UNC119: variants seen among roughly 807,000 people sequenced by gnomAD.
The protein encoded by UNC119 is protein unc-119 homolog A.
In UNC119, 15 loss-of-function variants were observed where a neutral mutation model predicts 22.6. That is an observed-to-expected ratio of 0.66 (90% CI 0.44 to 1.02). UNC119 has a LOEUF of 1.02. Ranked by LOEUF, UNC119 falls within the 50% of genes least tolerant of loss-of-function variation. UNC119 has a pLI of 0.00. For synonymous variants in UNC119, 138 were observed against 139.4 expected (o/e 0.99, Z 0.07); for missense variants, 322 against 336.0 (o/e 0.96, Z 0.33).
chr17:28,550,972 A>T (rs1183604225), intron 1 of UNC119: 1 of 152,326 alleles, frequency 6.6e-6, no homozygotes, highest in Non-Finnish European at 1.5e-5. Flanking sequence ...CTTCAACATC[A>T]GCCTGGTCCA....
intron 1 of UNC119, chr17:28,552,029 C>T (rs1162803953): frequency 5.1e-6 from 3 of 586,802 alleles, no homozygotes; most frequent in Non-Finnish European, 9.9e-6. Flanking sequence ...GACTCCACAG[C>T]TACAGGGCTA....
intron 1 of UNC119, chr17:28,549,121 G>A (rs2070244522): frequency 5.3e-6 from 1 of 188,710 alleles, no homozygotes. Flanking sequence ...ACAACTTCCT[G>A]CAGTCTGACC....
At position 28,547,071 on chromosome 17, in the gene UNC119, G is replaced by A. The variant is rs80000715; in HGVS notation, c.*226C>T. On this transcript the variant is annotated 3_prime_UTR_variant, in exon 5 of 5. Transcript: ENST00000335765. ...GCTCCTCTCACAGGCCTTCCTAGAC[G>A]TGGAGGCAAACAGCCTCCCTACGAC... The A allele has an allele frequency of 7.2e-4, 389 of 537,970 alleles. 3 individuals carry two copies. In the East Asian group the frequency reaches 0.012, roughly 16 times the overall value. 33.3% of individuals were successfully genotyped at this position (537,970 alleles called of 1,614,324 possible).
At chr17:28,548,231 G>T in intron 2 of UNC119, 130 bp from the exon 3 acceptor site, 1 of 942,400 alleles carries the variant, frequency 1.1e-6, no homozygotes, top group East Asian at 2.7e-5. Context: ...CACACTGAGG[G>T]CTCAGACCAT....
Position 28,552,619 on chromosome 17 carries a change from G to A in UNC119, c.-62C>T, listed in dbSNP as rs998747835. The A allele has an allele frequency of 9.6e-5, 136 of 1,417,102 alleles. No homozygotes were observed. The highest frequency in any genetic ancestry group is 1.5e-4 in the African/African-American group (10 of 66,496). The allele number at this position is 1,417,102 out of a possible 1,614,324, so 87.8% of individuals were successfully genotyped here. A position where few individuals can be genotyped will look rare whatever the true frequency, so the allele number is the denominator to read the frequency against. ...CGCTGCCTGCGCCGGCTGGAGCCGG[G>A]GGAAGTGGGAGCATCCGCAGCCCCG... On this transcript the variant is annotated 5_prime_UTR_variant, in exon 1 of 5. Transcript: ENST00000335765.
At chr17:28,552,042 G>C (rs1269839770) in intron 1 of UNC119, 1 of 613,036 alleles carries the variant, frequency 1.6e-6, no homozygotes, top group East Asian at 3.5e-5. Context: ...CAGGGCTATG[G>C]TTGCAGCTGC....
chr17:28,547,226 G>A lies in UNC119; in HGVS notation c.*71C>T. 6 of 1,576,618 alleles carry A rather than the reference G, an allele frequency of 3.8e-6. No individual in the cohort carries two copies. In the South Asian group the frequency reaches 4.5e-5, roughly 12 times the overall value. On this transcript the variant is annotated 3_prime_UTR_variant, in exon 5 of 5. Transcript: ENST00000335765. ...CCCAAGCAGAGGACTTGGGGTTGAG[G>A]GGTGAGCGTTGGGGAGGTCACAGCT...
chr17:28,548,869 G>A, intron 1 of UNC119, 164 bp from the exon 2 acceptor site: 1 of 603,224 alleles, frequency 1.7e-6, no homozygotes, highest in Admixed American at 2.8e-5. Flanking sequence ...CCCCAGTGTG[G>A]AAGAGACATA....
chr17:28,547,216 T>TGGGGTTGAGGG lies in UNC119; in HGVS notation c.*70_*80dup. 1 of 1,542,166 alleles carries TGGGGTTGAGGG rather than the reference T, an allele frequency of 6.5e-7. No individual in the cohort carries two copies. Among genetic ancestry groups the TGGGGTTGAGGG allele is most frequent in the Non-Finnish European group, 8.9e-7 (1 of 1,125,234 alleles). The stretch of plus-strand genomic sequence containing the variant: ...TGGAGAACTCCCCAAGCAGAGGACT[T>TGGGGTTGAGGG]GGGGTTGAGGGGTGAGCGTTGGGGA... On this transcript the variant is annotated 3_prime_UTR_variant, in exon 5 of 5. Transcript: ENST00000335765.
At position 28,548,690 on chromosome 17, in the gene UNC119, G is replaced by A. The variant is rs778684082; in HGVS notation, c.236C>T (p.Pro79Leu). 16 of 1,614,042 alleles carry A rather than the reference G, an allele frequency of 9.9e-6. 2 individuals carry two copies. The South Asian group carries it at 1.4e-4, about 14-fold the overall frequency. ...GTCGATCTTGTAGATATTCTCCTCA[G>A]GGGAGCAGAGGTAGTCTAGGGGAAA... ...QRITGDYLCSPEENIYKIDFV... is the reference protein window; with the variant it reads ...QRITGDYLCSLEENIYKIDFV... The change falls in exon 2 of 5, where the codon CCT becomes CTT. Residue 79 changes from proline (P) to leucine (L), a missense_variant. By Grantham distance (98) the Pro-to-Leu change is moderately conservative. Coordinates refer to ENST00000335765, the MANE Select transcript of UNC119 (RefSeq NM_005148.4).
chr17:28,549,957 A>G (rs543812995), intron 1 of UNC119: 1 of 152,228 alleles, frequency 6.6e-6, no homozygotes, highest in South Asian at 2.1e-4. Flanking sequence ...GCCACCTCCT[A>G]TTCCTCTGGG....
In UNC119 at chr17:28,548,290, G is replaced by A. The variant is rs78216536; in HGVS notation, c.335-189C>T. 3.3e-3 allele frequency: 2,114 copies of A among 638,646 alleles called. 30 individuals carry two copies. The highest frequency in any genetic ancestry group is 0.031 in the African/African-American group (1,669 of 54,648). 39.6% of individuals were successfully genotyped at this position (638,646 alleles called of 1,614,324 possible). On this transcript the variant is annotated intron_variant, in intron 2 of 4. Coordinates refer to ENST00000335765, the MANE Select transcript of UNC119 (RefSeq NM_005148.4). ...GTTCTAGGTCTGCATGTTCCCAATCGCCACTGTGCTTCCCCGGGCCACAGG... is the reference window on the plus strand; with the variant it reads ...GTTCTAGGTCTGCATGTTCCCAATCACCACTGTGCTTCCCCGGGCCACAGG...
chr17:28,551,881 T>C (rs536435737), intron 1 of UNC119: 70 of 293,446 alleles, frequency 2.4e-4, no homozygotes, highest in Middle Eastern at 1.3e-3. Flanking sequence ...AGGGTATTAA[T>C]GGTTGGGGAG....
At chr17:28,547,943 G>A in intron 3 of UNC119, 56 bp downstream of exon 3, 1 of 1,612,718 alleles carries the variant, frequency 6.2e-7, no homozygotes. Context: ...GGCTGAGAAG[G>A]GCCCACTCAC....
chr17:28,548,741 G>A (rs763282501), intron 1 of UNC119, 36 bp from the exon 2 acceptor site: 60 of 1,543,416 alleles, frequency 3.9e-5, no homozygotes, highest in Admixed American at 2.8e-4. Context: ...GGAAGGGGCC[G>A]CAAAGCCCCT....
intron 1 of UNC119, chr17:28,551,876 A>C: frequency 3.4e-6 from 1 of 290,002 alleles, no homozygotes; most frequent in East Asian, 1.2e-4. Flanking sequence ...GGGTGAGGGT[A>C]TTAATGGTTG....
chr17:28,547,992 G>A lies in UNC119; in HGVS notation c.437+7C>T, dbSNP rs200659406. 1.8e-4 allele frequency: 291 copies of A among 1,613,696 alleles called. No homozygotes were observed. In the Middle Eastern group the frequency reaches 1.8e-3, roughly 10 times the overall value. On this transcript the variant is annotated splice_region_variant and intron_variant, in intron 3 of 4. Coordinates refer to ENST00000335765, the MANE Select transcript of UNC119 (RefSeq NM_005148.4). ...CCCCCACCACCACCCATAGCCCAGC[G>A]ACTCACGTGGCTCCCACCTGCCTCA...
intron 1 of UNC119, chr17:28,550,508 C>G (rs1039794005): frequency 2.0e-5 from 3 of 152,226 alleles, no homozygotes; most frequent in African/African-American, 4.8e-5. Context: ...AAGGATGAGG[C>G]CTGGGACCCA....
chr17:28,547,621 A>C, intron 4 of UNC119, 56 bp downstream of exon 4: 1 of 1,613,818 alleles, frequency 6.2e-7, no homozygotes, highest in East Asian at 2.2e-5. Context: ...TCCCTCCCGC[A>C]GCTCAGTCTC....
Sources: gnomAD v4.1 joint callset for allele counts on GRCh38, gnomAD v4.1.1 for gene constraint, MANE v1.5 for transcripts, NCBI Gene and HGNC (gene_info 2026-07-23, HGNC 2026-07-21) for gene names.